The following CDH12 variants were observed in gnomAD, a reference collection of about 807,000 sequenced individuals.
The protein encoded by CDH12 is cadherin-12.
CDH12 carries 41 observed loss-of-function variants against 74.1 expected under a neutral mutation model. That is an observed-to-expected ratio of 0.55 (90% CI 0.43 to 0.72). The LOEUF is 0.72. CDH12 is among the 30% of genes least tolerant of loss of function. The pLI, the probability that CDH12 is intolerant of heterozygous loss-of-function variation, is 0.00. For synonymous variants in CDH12, 399 were observed against 355.0 expected (o/e 1.12, Z -1.39); for missense variants, 945 against 977.2 (o/e 0.97, Z 0.44).
At chr5:22,824,864 G>A (rs1749932076) in intron 1 of CDH12, among the ~76,000 whole-genome samples, 1 of 151,634 alleles carries the variant, frequency 6.6e-6, no homozygotes, top group Admixed American at 6.6e-5. Context: ...TAATATATAT[G>A]TGTGTCCAAA....
chr5:22,499,031 G>A (rs1346556970), intron 2 of CDH12, among the ~76,000 whole-genome samples: 1 of 148,292 alleles, frequency 6.7e-6, no homozygotes, highest in African/African-American at 2.5e-5. Context: ...AGCCTCTCAA[G>A]TACCGGGGAT....
chr5:22,422,137 G>T (rs761366244), intron 2 of CDH12, among the ~76,000 whole-genome samples: 3 of 151,988 alleles, frequency 2.0e-5, no homozygotes, highest in Non-Finnish European at 2.9e-5. Context: ...GGTGAGAGAG[G>T]GCATTTTGTC....
chr5:21,989,246 G>A (rs527789864), intron 5 of CDH12, among the ~76,000 whole-genome samples: 4 of 152,230 alleles, frequency 2.6e-5, no homozygotes, highest in Admixed American at 6.5e-5. Context: ...GCCTAAATAC[G>A]TTTTAAGAAA....
chr5:22,029,640 T>C (rs111337087), intron 5 of CDH12, among the ~76,000 whole-genome samples: 4,497 of 152,190 alleles, frequency 0.03, 225 homozygotes, highest in African/African-American at 0.1. Context: ...TGTGGAGAAA[T>C]TGGAACACTT....
chr5:22,777,767 G>A (rs1201268513), intron 1 of CDH12, among the ~76,000 whole-genome samples: 1 of 152,002 alleles, frequency 6.6e-6, no homozygotes, highest in East Asian at 1.9e-4. Context: ...GTAAGTTGCA[G>A]CTGGTTATTT....
intron 5 of CDH12, among the ~76,000 whole-genome samples, chr5:22,067,971 C>T (rs986331958): frequency 3.2e-4 from 48 of 151,902 alleles, no homozygotes; most frequent in Non-Finnish European, 5.7e-4. Context: ...GAGTGAGACT[C>T]TGTCTCAAAA....
At chr5:22,389,365 G>A (rs1347190108) in intron 3 of CDH12, among the ~76,000 whole-genome samples, 2 of 152,084 alleles carry the variant, frequency 1.3e-5, no homozygotes, top group South Asian at 2.1e-4. Context: ...AACAGATTAT[G>A]GATTGTCAAG....
chr5:22,063,295 T>C (rs1022630642), intron 5 of CDH12, among the ~76,000 whole-genome samples: 1 of 152,164 alleles, frequency 6.6e-6, no homozygotes, highest in Non-Finnish European at 1.5e-5. Flanking sequence ...AAAGCATATG[T>C]TCTTATTGGT....
At chr5:21,877,220 AG>A (rs1751983110) in intron 6 of CDH12, among the ~76,000 whole-genome samples, 1 of 151,694 alleles carries the variant, frequency 6.6e-6, no homozygotes, top group African/African-American at 2.4e-5. Flanking sequence ...AAAAAAAAAA[AG>A]AAGAAGAGGT....
At chr5:22,573,669 T>C (rs1240134512) in intron 1 of CDH12, among the ~76,000 whole-genome samples, 1 of 152,212 alleles carries the variant, frequency 6.6e-6, no homozygotes, top group Non-Finnish European at 1.5e-5. Context: ...CTATTGAATA[T>C]TGCATATGCT....
intron 6 of CDH12, among the ~76,000 whole-genome samples, chr5:21,859,452 T>A (rs913683534): frequency 6.6e-6 from 1 of 151,938 alleles, no homozygotes. Flanking sequence ...CACCTGGTTC[T>A]GCCTTCAATC....
intron 6 of CDH12, chr5:21,884,223 G>T: frequency 6.5e-7 from 1 of 1,545,254 alleles, no homozygotes; most frequent in Non-Finnish European, 8.9e-7. Flanking sequence ...AGCAGAAGTT[G>T]TAGTCACAGA....
intron 4 of CDH12, among the ~76,000 whole-genome samples, chr5:22,124,017 G>A (rs1363595827): frequency 6.6e-6 from 1 of 151,168 alleles, no homozygotes; most frequent in East Asian, 1.9e-4. Context: ...TCCCAGGCTG[G>A]AGTGCAGCGG....
intron 1 of CDH12, among the ~76,000 whole-genome samples, chr5:22,555,135 A>G (rs2126739773): frequency 6.6e-6 from 1 of 152,142 alleles, no homozygotes; most frequent in African/African-American, 2.4e-5. Flanking sequence ...TTCCTTCCCA[A>G]CCATCCAGTT....
chr5:22,093,072 C>G (rs1476119323), intron 4 of CDH12, among the ~76,000 whole-genome samples: 1 of 152,044 alleles, frequency 6.6e-6, no homozygotes, highest in Non-Finnish European at 1.5e-5. Context: ...ACAGGGGGTT[C>G]AGAGAGGTGG....
At chr5:22,366,476 G>A (rs1227330143) in intron 3 of CDH12, among the ~76,000 whole-genome samples, 2 of 151,934 alleles carry the variant, frequency 1.3e-5, no homozygotes, top group Admixed American at 6.6e-5. Flanking sequence ...TCTTGATTAC[G>A]TACTGCCAAC....
Position 22,018,687 on chromosome 5 carries a change from C to A in CDH12, c.232-43302G>T, listed in dbSNP as rs185634698. Among the ~76,000 whole-genome samples the A allele has an allele frequency of 2.0e-3, 309 of 152,322 alleles. 4 individuals are homozygous for A. The highest frequency in any genetic ancestry group is 6.8e-3 in the African/African-American group (284 of 41,576). ...TAAAATATCTTTCCAACAGATAGCA[C>A]TTTCTAGTGTTGTGCTAGAAATCAA... On this transcript the variant is annotated intron_variant, in intron 5 of 14. Transcript: ENST00000382254.
intron 3 of CDH12, among the ~76,000 whole-genome samples, chr5:22,290,497 T>C (rs973486574): frequency 6.6e-6 from 1 of 151,972 alleles, no homozygotes; most frequent in East Asian, 1.9e-4. Context: ...AAAAATATAA[T>C]GAATGAAACC....
chr5:22,389,251 T>G (rs1742129157), intron 3 of CDH12, among the ~76,000 whole-genome samples: 1 of 152,162 alleles, frequency 6.6e-6, no homozygotes, highest in Non-Finnish European at 1.5e-5. Flanking sequence ...AAAGCTAATT[T>G]ATTATAGATT....
Sources: gnomAD v4.1 joint callset for allele counts (sites outside exome capture counted in the v4.1 genomes callset) on GRCh38, gnomAD v4.1.1 for gene constraint, MANE v1.5 for transcripts, NCBI Gene and HGNC (gene_info 2026-07-23, HGNC 2026-07-21) for gene names.